The following CCDC91 variants were observed in gnomAD, a reference collection of about 807,000 sequenced individuals.
CCDC91 encodes coiled-coil domain containing 91, also known as coiled-coil domain-containing protein 91.
A neutral mutation model predicts 63.2 loss-of-function variants in CCDC91; 48 were observed. The ratio of observed to expected loss-of-function variants is 0.76; its 90% CI spans 0.60 to 0.97. CCDC91 has a LOEUF of 0.97. Among genes scored for constraint, CCDC91 ranks in the 50% least tolerant of loss-of-function variants. CCDC91 has a pLI of 0.00. For synonymous variants in CCDC91, 167 were observed against 165.8 expected, an observed-to-expected ratio of 1.01 and a Z score of -0.06; for missense variants, 500 against 494.6, an observed-to-expected ratio of 1.01 and a Z score of -0.10.
At chr12:28,369,284 G>A (rs1036512641) in intron 7 of CCDC91, among the ~76,000 whole-genome samples, 3 of 152,032 alleles carry the variant, frequency 2.0e-5, no homozygotes, top group Non-Finnish European at 4.4e-5. Context: ...GAAGAAATTG[G>A]CCAAAAAAAA....
intron 8 of CCDC91, among the ~76,000 whole-genome samples, chr12:28,411,328 A>G (rs11049575): frequency 0.2 from 31,164 of 152,138 alleles, 4,187 homozygotes; most frequent in Non-Finnish European, 0.3. Context: ...CCTTTGAAAT[A>G]TGGAAAATTT....
chr12:28,382,279 A>C (rs1172229055), intron 7 of CCDC91, among the ~76,000 whole-genome samples: 1 of 151,478 alleles, frequency 6.6e-6, no homozygotes, highest in African/African-American at 2.4e-5. Context: ...GAAAATACTA[A>C]TTTTAAAATA....
chr12:28,548,968 G>A (rs1366653245), intron 12 of CCDC91, 95 bp from the exon 13 acceptor site: 1 of 779,810 alleles, frequency 1.3e-6, no homozygotes, highest in Non-Finnish European at 2.1e-6. Context: ...CATCTGGAAA[G>A]TTTTTTCTAG....
At chr12:28,503,264 A>T (rs1938212765) in intron 12 of CCDC91, among the ~76,000 whole-genome samples, 1 of 152,220 alleles carries the variant, frequency 6.6e-6, no homozygotes, top group Non-Finnish European at 1.5e-5. Flanking sequence ...CCCATCAAAA[A>T]GTGGGCGAAG....
intron 6 of CCDC91, among the ~76,000 whole-genome samples, chr12:28,333,355 A>G (rs1318876130): frequency 6.1e-5 from 9 of 148,478 alleles, no homozygotes. Flanking sequence ...AGATTGCGCC[A>G]TTGCACTCCA....
At chr12:28,365,957 G>C (rs963903903) in intron 7 of CCDC91, among the ~76,000 whole-genome samples, 3 of 152,094 alleles carry the variant, frequency 2.0e-5, no homozygotes, top group African/African-American at 7.2e-5. Flanking sequence ...TCCTGTCCCT[G>C]TTGAGCTGAA....
At chr12:28,246,240 A>C (rs1395336150) in intron 1 of CCDC91, among the ~76,000 whole-genome samples, 2 of 152,174 alleles carry the variant, frequency 1.3e-5, no homozygotes, top group Non-Finnish European at 2.9e-5. Context: ...TTTGAAAGTA[A>C]GGGAATGATG....
At chr12:28,267,856 T>TATATAATTATATTATTAAG in intron 3 of CCDC91, among the ~76,000 whole-genome samples, 1 of 44,128 alleles carries the variant, frequency 2.3e-5, no homozygotes, top group East Asian at 8.0e-4. Context: ...TATATAGTAA[T>TATATAATTATATTATTAAG]ATATAATTAT....
At chr12:28,515,953 A>G (rs754780678) in intron 12 of CCDC91, among the ~76,000 whole-genome samples, 16 of 151,956 alleles carry the variant, frequency 1.1e-4, no homozygotes, top group Non-Finnish European at 2.4e-4. Flanking sequence ...AACATATATT[A>G]CAAAGACTAA....
intron 3 of CCDC91, among the ~76,000 whole-genome samples, chr12:28,268,896 C>T (rs1478472721): frequency 2.0e-5 from 3 of 152,124 alleles, no homozygotes; most frequent in African/African-American, 7.2e-5. Context: ...CTCACTTCCT[C>T]CCTCCCTTTA....
chr12:28,330,520 G>T lies in CCDC91; in HGVS notation c.576+22771G>T, dbSNP rs564320056. On this transcript the variant is annotated intron_variant, in intron 6 of 12. Coordinates refer to ENST00000536442, the MANE Select transcript of CCDC91 (RefSeq NM_018318.5). The stretch of plus-strand genomic sequence containing the variant: ...TGTAGATTCTGCATATTAGCTGTTT[G>T]TCAGATGGGTAGATTGCAAAAATTT... Among the ~76,000 whole-genome samples the T allele has an allele frequency of 2.0e-5, 3 of 149,876 alleles. No individual in the cohort carries two copies. The East Asian group carries it at 6.0e-4, about 30-fold the overall frequency.
intron 1 of CCDC91, chr12:28,256,967 C>A: frequency 2.4e-6 from 1 of 419,516 alleles, no homozygotes; most frequent in Non-Finnish European, 4.3e-6. Flanking sequence ...AATATTTTTC[C>A]ACTCCTGGCA....
chr12:28,546,853 G>A (rs183219395), intron 12 of CCDC91, among the ~76,000 whole-genome samples: 1 of 152,198 alleles, frequency 6.6e-6, no homozygotes, highest in East Asian at 1.9e-4. Context: ...TTTACAATAT[G>A]CAGATGTGAC....
chr12:28,249,744 A>G (rs922142620), intron 1 of CCDC91, among the ~76,000 whole-genome samples: 1 of 151,884 alleles, frequency 6.6e-6, no homozygotes, highest in Non-Finnish European at 1.5e-5. Context: ...AGAGCAGTAA[A>G]GAGGATAAAG....
At chr12:28,262,695 TATACAAA>T (rs1946904000) in intron 3 of CCDC91, among the ~76,000 whole-genome samples, 1 of 152,010 alleles carries the variant, frequency 6.6e-6, no homozygotes, top group Non-Finnish European at 1.5e-5. Flanking sequence ...GCTGATGCTT[TATACAAA>T]GTATTATCTC....
chr12:28,373,021 G>T (rs1269227717), intron 7 of CCDC91, among the ~76,000 whole-genome samples: 1 of 151,970 alleles, frequency 6.6e-6, no homozygotes, highest in Non-Finnish European at 1.5e-5. Flanking sequence ...CTAGTTTGTT[G>T]GGGTCCTTTA....
chr12:28,232,133 A>G (rs1385088392), intron 1 of CCDC91, among the ~76,000 whole-genome samples: 1 of 152,162 alleles, frequency 6.6e-6, no homozygotes, highest in South Asian at 2.1e-4. Context: ...ATCTACCTGT[A>G]GAATTGTGAC....
chr12:28,543,558 AT>A (rs1420761078), intron 12 of CCDC91, among the ~76,000 whole-genome samples: 2 of 152,058 alleles, frequency 1.3e-5, no homozygotes, highest in Admixed American at 1.3e-4. Flanking sequence ...TTCCTTGGAC[AT>A]CCCCGAGTGT....
chr12:28,436,383 T>C (rs1383720989), intron 8 of CCDC91, among the ~76,000 whole-genome samples: 1 of 151,852 alleles, frequency 6.6e-6, no homozygotes, highest in Admixed American at 6.6e-5. Context: ...TATAATAACA[T>C]AATGATTCAA....
Sources: allele counts gnomAD v4.1 joint callset (sites outside exome capture counted in the v4.1 genomes callset), GRCh38; gene constraint gnomAD v4.1.1; transcripts MANE v1.5; gene names NCBI Gene and HGNC (gene_info 2026-07-23, HGNC 2026-07-21).